Variants in DUT observed in about 807,000 individuals in gnomAD.
DUT encodes deoxyuridine 5'-triphosphate nucleotidohydrolase, mitochondrial.
Under a neutral mutation model 28.8 loss-of-function variants are expected in DUT, and 21 were observed. The ratio of observed to expected loss-of-function variants is 0.73; its 90% CI spans 0.52 to 1.05. DUT has a LOEUF of 1.05. Among genes scored for constraint, DUT ranks in the 50% least tolerant of loss-of-function variants. The pLI, the probability that DUT is intolerant of heterozygous loss-of-function variation, is 0.00. For missense variants in DUT, 344 were observed against 351.8 expected, an observed-to-expected ratio of 0.98 and a Z score of 0.18; for synonymous variants, 147 against 143.7, an observed-to-expected ratio of 1.02 and a Z score of -0.17.
chr15:48,331,437 G>A lies in DUT; in HGVS notation c.-79G>A, dbSNP rs1003128350. On this transcript the variant is annotated 5_prime_UTR_variant, in exon 1 of 7. Coordinates refer to ENST00000331200, the MANE Select transcript of DUT (RefSeq NM_001025248.2). ...ACTGCTTCCGAGGTCATGTTCCCAG[G>A]ACGGGCGCGTCTTCAGGGTGGAAGC... 1.9e-6 allele frequency: 3 copies of A among 1,578,614 alleles called. No homozygotes were observed. The highest frequency in any genetic ancestry group is 2.6e-6 in the Non-Finnish European group (3 of 1,164,072).
chr15:48,332,071 A>G (rs1168393973), intron 1 of DUT, 197 bp from the exon 2 acceptor site: 23 of 1,272,524 alleles, frequency 1.8e-5, no homozygotes, highest in Non-Finnish European at 2.3e-5. Context: ...GAAGGGCTTC[A>G]AACCCAAAAT....
rs1265793299 is a variant in DUT at position 48,343,240 on chromosome 15, C to T, written c.*1162C>T. The T allele has an allele frequency of 6.6e-6, 1 of 152,116 alleles. No individual in the cohort carries two copies. Among genetic ancestry groups the T allele is most frequent in the Non-Finnish European group, 1.5e-5 (1 of 68,040 alleles). 9.4% of individuals were successfully genotyped at this position (152,116 alleles called of 1,614,324 possible). ...TTTAATACCCTGCAATGTAATTGTC[C>T]CTCTGTGGCTCACATTTCATTAGTG... On this transcript the variant is annotated 3_prime_UTR_variant, in exon 7 of 7. Coordinates refer to ENST00000331200, the MANE Select transcript of DUT (RefSeq NM_001025248.2).
At chr15:48,334,680 T>C (rs536763753) in intron 3 of DUT, among the ~76,000 whole-genome samples, 172 bp downstream of exon 3, 1 of 152,340 alleles carries the variant, frequency 6.6e-6, no homozygotes, top group East Asian at 1.9e-4. Flanking sequence ...ATCTCTGCTT[T>C]GCCTCTTTTT....
chr15:48,332,049 C>T (rs2042419307), intron 1 of DUT: 3 of 1,133,198 alleles, frequency 2.6e-6, no homozygotes, highest in Admixed American at 3.6e-5. Flanking sequence ...CCATCCCAAA[C>T]CTGCTTTCCG....
chr15:48,334,058 C>T (rs925942690), intron 2 of DUT, among the ~76,000 whole-genome samples: 2 of 152,132 alleles, frequency 1.3e-5, no homozygotes, highest in African/African-American at 4.8e-5. Flanking sequence ...TGTAAAGCAT[C>T]CACCTTTTGA....
chr15:48,331,581 G>T lies in DUT; in HGVS notation c.66G>T (p.Ala22=). Reference sequence around the variant, plus strand: ...TCCTTACGTCTCTGCTTCGCTCAGCGATGCAAAACGCGCGAGGCGCACGGC... The same window carrying T: ...TCCTTACGTCTCTGCTTCGCTCAGCTATGCAAAACGCGCGAGGCGCACGGC... ...YHFLTSLLRS[A]MQNARGARQR... Residue 22 remains alanine (A), a synonymous_variant, in exon 1 of 7, where the codon GCG becomes GCT. Transcript: ENST00000331200. 16 of 1,598,814 alleles carry T rather than the reference G, an allele frequency of 1.0e-5. No homozygotes were observed. The highest frequency in any genetic ancestry group is 1.4e-5 in the Non-Finnish European group (16 of 1,173,764).
chr15:48,331,851 G>A (rs895056241), intron 1 of DUT, 56 bp downstream of exon 1: 2 of 1,303,512 alleles, frequency 1.5e-6, no homozygotes, highest in Non-Finnish European at 9.8e-7. Flanking sequence ...CGCGGCTTGA[G>A]GCTGTGGGGG....
At chr15:48,336,619 C>T (rs2042478518) in intron 4 of DUT, among the ~76,000 whole-genome samples, 1 of 152,192 alleles carries the variant, frequency 6.6e-6, no homozygotes, top group Non-Finnish European at 1.5e-5. Flanking sequence ...TACAGAGCTA[C>T]TCCTCTTATT....
intron 6 of DUT, 133 bp downstream of exon 6, chr15:48,341,718 T>A: frequency 1.3e-6 from 1 of 746,930 alleles, no homozygotes; most frequent in Non-Finnish European, 2.1e-6. Flanking sequence ...TAAGCAAATT[T>A]AAAATACTAG....
chr15:48,341,259 T>C (rs1229879321), intron 4 of DUT, 30 bp from the exon 5 acceptor site: 2 of 1,435,030 alleles, frequency 1.4e-6, no homozygotes, highest in South Asian at 1.3e-5. Context: ...ATAGCAAAAA[T>C]TGAGATAATA....
chr15:48,340,159 G>A (rs2042518433), intron 4 of DUT: 1 of 152,046 alleles, frequency 6.6e-6, no homozygotes, highest in African/African-American at 2.4e-5. Flanking sequence ...TTTGTTTGGG[G>A]TAGAGTATTA....
Position 48,334,421 on chromosome 15 carries a change from T to C in DUT, c.424T>C (p.Tyr142His). 1 of 1,579,044 alleles carries C rather than the reference T, an allele frequency of 6.3e-7. No individual in the cohort carries two copies. Among genetic ancestry groups the C allele is most frequent in the Non-Finnish European group, 8.6e-7 (1 of 1,158,190 alleles). Residue 142 changes from tyrosine (Y) to histidine (H), a missense_variant, in exon 3 of 7, where the codon TAT (tyrosine) becomes CAT (histidine). By Grantham distance (83) the Tyr-to-His change is moderately conservative (BLOSUM62 2). Transcript: ENST00000331200. ...RAAGYDLYSA[Y>H]DYTIPPMEKA... Reference sequence around the variant, plus strand: ...TTTCTTTCAATATTTTCTTAGTGCCTATGATTACACAATACCACCTATGGA... The same window carrying C: ...TTTCTTTCAATATTTTCTTAGTGCCCATGATTACACAATACCACCTATGGA...
Position 48,342,657 on chromosome 15 carries a change from T to C in DUT, c.*579T>C, listed in dbSNP as rs941264734. On this transcript the variant is annotated 3_prime_UTR_variant, in exon 7 of 7. Coordinates refer to ENST00000331200, the MANE Select transcript of DUT (RefSeq NM_001025248.2). ...TGAGGGTGAGAAAAAGAATCCTCAG[T>C]TTATTTTTCCACTATTAATCTTTCT... The C allele has an allele frequency of 1.3e-5, 2 of 152,206 alleles. No homozygotes were observed. The highest frequency in any genetic ancestry group is 2.9e-5 in the Non-Finnish European group (2 of 68,050). The allele number at this position is 152,206 out of a possible 1,614,324, so 9.4% of individuals were successfully genotyped here.
upstream of DUT, chr15:48,331,264 A>G: frequency 6.8e-7 from 1 of 1,461,790 alleles, no homozygotes; most frequent in Non-Finnish European, 9.0e-7. Flanking sequence ...GCAAACAAGA[A>G]GAGCGAAAGC....
At chr15:48,336,812 G>A (rs948135307) in intron 4 of DUT, among the ~76,000 whole-genome samples, 7 of 151,992 alleles carry the variant, frequency 4.6e-5, no homozygotes, top group South Asian at 2.1e-4. Flanking sequence ...TCCTCCACCC[G>A]TTTTTACAGA....
At chr15:48,339,441 A>G (rs1299637165) in intron 4 of DUT, among the ~76,000 whole-genome samples, 1 of 152,116 alleles carries the variant, frequency 6.6e-6, no homozygotes, top group East Asian at 1.9e-4. Flanking sequence ...CCAGCATGGA[A>G]GTTCTCTAGC....
In DUT at chr15:48,343,189, TTC is replaced by T. The variant is rs2042560194; in HGVS notation, c.*1113_*1114del. ...GTTTGTGGAAGCACAGGCAAGAGTG[TTC>T]TTTTCTGGTGATTCTCCAGGCCATT... On this transcript the variant is annotated 3_prime_UTR_variant, in exon 7 of 7. Transcript: ENST00000331200. The T allele has an allele frequency of 6.7e-6, 1 of 149,102 alleles. No individual in the cohort carries two copies. Among genetic ancestry groups the T allele is most frequent in the African/African-American group, 2.6e-5 (1 of 38,452 alleles). The allele number at this position is 149,102 out of a possible 1,614,324, so 9.2% of individuals were successfully genotyped here.
intron 4 of DUT, among the ~76,000 whole-genome samples, chr15:48,340,845 ACTCCACT>A (rs2042526255): frequency 6.6e-6 from 1 of 152,100 alleles, no homozygotes; most frequent in Non-Finnish European, 1.5e-5. Context: ...GCGTTGATTT[ACTCCACT>A]GCAGAGCTTT....
rs750785322 is a variant in DUT at position 48,332,215 on chromosome 15, C to T, written c.281-53C>T. 21 of 1,541,934 alleles carry T rather than the reference C, an allele frequency of 1.4e-5. No homozygotes were observed. The African/African-American group carries it at 2.3e-4, about 17-fold the overall frequency. On this transcript the variant is annotated intron_variant, in intron 1 of 6. Coordinates refer to ENST00000331200, the MANE Select transcript of DUT (RefSeq NM_001025248.2). ...GACGCTCATCGTGCGCTCTCCTCTT[C>T]CCCCGGTGGTCTCCTCGCTCGCCTT... is the stretch of plus-strand genomic sequence containing the variant.
Sources: gnomAD v4.1 joint callset for allele counts (sites outside exome capture counted in the v4.1 genomes callset) on GRCh38, gnomAD v4.1.1 for gene constraint, MANE v1.5 for transcripts, NCBI Gene and HGNC (gene_info 2026-07-23, HGNC 2026-07-21) for gene names.